FDFT1: variants seen among roughly 807,000 people sequenced by gnomAD.
The protein encoded by FDFT1 is farnesyl-diphosphate farnesyltransferase 1, also known as squalene synthase.
A neutral mutation model predicts 46.8 loss-of-function variants in FDFT1; 68 were observed. The observed-to-expected ratio is 1.45, with a 90% CI of 1.19 to 1.78. The LOEUF is 1.78. FDFT1 is among the 40% of genes most tolerant of loss of function. The pLI, the probability that FDFT1 is intolerant of heterozygous loss-of-function variation, is 0.00. For synonymous variants in FDFT1, 351 were observed against 185.1 expected (o/e 1.90, Z -7.28); for missense variants, 928 against 524.4 (o/e 1.77, Z -7.52).
intron 1 of FDFT1, among the ~76,000 whole-genome samples, chr8:11,805,080 T>C (rs1231589855): frequency 1.2e-5 from 1 of 83,228 alleles, no homozygotes; most frequent in Admixed American, 1.2e-4. Flanking sequence ...AATGCATGGC[T>C]AATTTTTAAA....
chr8:11,809,846 C>T lies in FDFT1; in HGVS notation c.377C>T (p.Pro126Leu). The change falls in exon 3 of 8, where the codon CCA becomes CTA. Residue 126 changes from proline to leucine, a missense_variant. Pro to Leu is a moderately conservative substitution (Grantham distance 98). Coordinates refer to ENST00000220584, the MANE Select transcript of FDFT1 (RefSeq NM_004462.5). ...GATCGCCAGGTGCTGGAGGACTTCC[C>T]AACGGTGAGTGGGGTTACGCATCTT... ...EKDRQVLEDF[P>L]TISLEFRNLA... 6.2e-7 allele frequency: 1 copy of T among 1,611,878 alleles called. No homozygotes were observed. Among genetic ancestry groups the T allele is most frequent in the Non-Finnish European group, 8.5e-7 (1 of 1,178,504 alleles).
chr8:11,797,638 C>CAAAAAAAAAAAAAAAAAAAAA (rs34350077), upstream of FDFT1, among the ~76,000 whole-genome samples: 20 of 75,460 alleles, frequency 2.7e-4, no homozygotes, highest in East Asian at 4.6e-4. Context: ...CACACACACT[C>CAAAAAAAAAAAAAAAAAAAAA]AAAAAAAAAA....
At chr8:11,835,405 C>T (rs1216727806) in intron 7 of FDFT1, among the ~76,000 whole-genome samples, 1 of 152,162 alleles carries the variant, frequency 6.6e-6, no homozygotes, top group South Asian at 2.1e-4. Flanking sequence ...TCCAGTTGTG[C>T]TGTCATGCTT....
At chr8:11,817,207 C>T (rs1200082576) in intron 3 of FDFT1, among the ~76,000 whole-genome samples, 2 of 152,176 alleles carry the variant, frequency 1.3e-5, no homozygotes, top group Admixed American at 6.5e-5. Flanking sequence ...CCTTGCATCC[C>T]AGGGATGAAG....
chr8:11,799,772 CCT>C (rs1262172175), upstream of FDFT1, among the ~76,000 whole-genome samples: 2 of 151,880 alleles, frequency 1.3e-5, no homozygotes, highest in Admixed American at 1.3e-4. Flanking sequence ...ATGGTGAAAC[CCT>C]GTCTCAACTA....
chr8:11,828,978 T>C (rs2645414), intron 5 of FDFT1, among the ~76,000 whole-genome samples: 1 of 152,182 alleles, frequency 6.6e-6, no homozygotes, highest in African/African-American at 2.4e-5. Context: ...TGCATATAAG[T>C]TTTTGTGTAG....
chr8:11,797,856 TC>T (rs1291844916), upstream of FDFT1: 2 of 152,170 alleles, frequency 1.3e-5, no homozygotes, highest in African/African-American at 4.8e-5. Context: ...TGTAGCCTGT[TC>T]GGGGGACAAT....
At chr8:11,837,190 C>G (rs1015957842) in intron 7 of FDFT1, among the ~76,000 whole-genome samples, 4 of 152,242 alleles carry the variant, frequency 2.6e-5, no homozygotes, top group Non-Finnish European at 5.9e-5. Flanking sequence ...AGGTGTGCAG[C>G]AGCATCGCAT....
intron 5 of FDFT1, 28 bp downstream of exon 5, chr8:11,826,243 A>G: frequency 6.9e-7 from 1 of 1,450,390 alleles, no homozygotes; most frequent in South Asian, 1.4e-5. Flanking sequence ...TTTTGGGGGA[A>G]AATAACTTTA....
intron 3 of FDFT1, among the ~76,000 whole-genome samples, chr8:11,820,194 G>T (rs1271879153): frequency 7.2e-5 from 11 of 151,860 alleles, no homozygotes; most frequent in African/African-American, 1.9e-4. Flanking sequence ...CAAATATCGC[G>T]GCCTGATCCT....
At chr8:11,827,130 C>G (rs1046701500) in intron 5 of FDFT1, among the ~76,000 whole-genome samples, 1 of 152,234 alleles carries the variant, frequency 6.6e-6, no homozygotes, top group East Asian at 1.9e-4. Context: ...CAGCATTTAC[C>G]TTTTGCTTTC....
intron 3 of FDFT1, among the ~76,000 whole-genome samples, chr8:11,816,528 G>A (rs1808478742): frequency 6.6e-6 from 1 of 152,080 alleles, no homozygotes; most frequent in African/African-American, 2.4e-5. Context: ...TTTGTTTATG[G>A]CCTCTTTTAT....
chr8:11,800,033 G>C (rs993881315), upstream of FDFT1, among the ~76,000 whole-genome samples: 1 of 73,506 alleles, frequency 1.4e-5, no homozygotes, highest in African/African-American at 3.9e-5. Context: ...AGGCCGAGGA[G>C]GGTGGATCAT....
intron 1 of FDFT1, among the ~76,000 whole-genome samples, chr8:11,805,132 G>A (rs554867885): frequency 4.2e-4 from 64 of 151,402 alleles, no homozygotes; most frequent in African/African-American, 1.5e-3. Context: ...GCCCAGGCTG[G>A]TCTTGAACTC....
intron 3 of FDFT1, 80 bp from the exon 4 acceptor site, chr8:11,821,670 G>A (rs536187144): frequency 8.9e-5 from 132 of 1,489,746 alleles, no homozygotes; most frequent in Non-Finnish European, 1.1e-4. Flanking sequence ...GATTAATTCC[G>A]CCATTGTTTG....
intron 5 of FDFT1, among the ~76,000 whole-genome samples, chr8:11,826,852 T>G (rs992361665): frequency 3.3e-5 from 5 of 152,258 alleles, no homozygotes; most frequent in African/African-American, 9.6e-5. Context: ...TGCTCAGCCC[T>G]GAATCAGTTA....
Position 11,814,321 on chromosome 8 carries a change from G to C in FDFT1, c.381+4471G>C, listed in dbSNP as rs533602271. Among the ~76,000 whole-genome samples the C allele has an allele frequency of 2.1e-5, 3 of 146,106 alleles. No individual in the cohort carries two copies. In the East Asian group the frequency reaches 6.0e-4, roughly 29 times the overall value. ...ATAGGTTTTTTTTTTTTTTTTTGGA[G>C]GGACATGGGGGTATTGACAGTTGAT... On this transcript the variant is annotated intron_variant, in intron 3 of 7. Transcript: ENST00000220584.
intron 6 of FDFT1, among the ~76,000 whole-genome samples, chr8:11,830,783 C>G (rs1315443335): frequency 1.3e-5 from 2 of 152,194 alleles, no homozygotes; most frequent in African/African-American, 4.8e-5. Context: ...CATTAAGCAC[C>G]TAATTACTGC....
chr8:11,838,616 A>AT lies in FDFT1; in HGVS notation c.*10dup. On this transcript the variant is annotated 3_prime_UTR_variant, in exon 8 of 8. Coordinates refer to ENST00000220584, the MANE Select transcript of FDFT1 (RefSeq NM_004462.5). The stretch of plus-strand genomic sequence containing the variant: ...TCAGACTGGAGAACACTGATCCCAA[A>AT]TTTGTCCATAGCTGAAGTCCACCAT... 1 of 1,601,242 alleles carries AT rather than the reference A, an allele frequency of 6.2e-7. No homozygotes were observed. Among genetic ancestry groups the AT allele is most frequent in the South Asian group, 1.1e-5 (1 of 90,836 alleles).
Sources: gnomAD v4.1 joint callset for allele counts (sites outside exome capture counted in the v4.1 genomes callset) on GRCh38, gnomAD v4.1.1 for gene constraint, MANE v1.5 for transcripts, NCBI Gene and HGNC (gene_info 2026-07-23, HGNC 2026-07-21) for gene names.